Variants in STON1 observed in about 807,000 individuals in gnomAD.
STON1 encodes the protein stonin-1.
Under a neutral mutation model 60.9 loss-of-function variants are expected in STON1, and 79 were observed. The observed-to-expected ratio is 1.30, with a 90% CI of 1.08 to 1.56. The LOEUF (loss-of-function observed/expected upper bound fraction) is 1.56. STON1 is among the 40% of genes most tolerant of loss of function. STON1 has a pLI of 0.00. For synonymous variants in STON1, 363 were observed against 306.9 expected (o/e 1.18, Z -1.91); for missense variants, 1,166 against 858.9 (o/e 1.36, Z -4.47).
chr2:48,581,940 G>T lies in STON1; in HGVS notation c.1307G>T (p.Ser436Ile). The change falls in exon 2 of 4, where the codon AGT (serine) becomes ATT (isoleucine). Residue 436 changes from serine (S) to isoleucine (I), a missense_variant. Transcript: ENST00000404752. ...KVTKEGKFVE[S>I]AVITQIYCLC... is the part of the protein sequence containing the mutation. The stretch of plus-strand genomic sequence containing the variant: ...ACAAAAGAAGGAAAATTTGTTGAAA[G>T]TGCTGTGATAACTCAAATTTATTGC... 1 of 1,614,186 alleles carries T rather than the reference G, an allele frequency of 6.2e-7. No homozygotes were observed. Among genetic ancestry groups the T allele is most frequent in the Non-Finnish European group, 8.5e-7 (1 of 1,180,038 alleles).
At chr2:48,543,742 G>C (rs188487724) in intron 1 of STON1, among the ~76,000 whole-genome samples, 241 of 152,102 alleles carry the variant, frequency 1.6e-3, no homozygotes, top group African/African-American at 5.6e-3. Flanking sequence ...ATGTTGACCA[G>C]GCTGGTTTTG....
At chr2:48,591,574 G>C in intron 2 of STON1, 79 bp from the exon 3 acceptor site, 1 of 1,547,636 alleles carries the variant, frequency 6.5e-7, no homozygotes, top group Non-Finnish European at 8.8e-7. Flanking sequence ...TAAGGAGAGA[G>C]ATGAGTGCCT....
At position 48,546,048 on chromosome 2, in the gene STON1, C is replaced by A. The variant is rs550988059; in HGVS notation, c.-48+15832C>A. On this transcript the variant is annotated intron_variant, in intron 1 of 3. Transcript: ENST00000404752. ...TACTTAAAAAATAAATGTGTAGGGG[C>A]AGAGTTGTCAGGTTTCAACCCTCAT... 4.5e-4 allele frequency among the ~76,000 whole-genome samples: 69 copies of A among 152,252 alleles called. 1 individual carries two copies. In the South Asian group the frequency reaches 0.013, roughly 28 times the overall value.
At chr2:48,561,328 G>A (rs1672600428) in intron 1 of STON1, among the ~76,000 whole-genome samples, 1 of 152,146 alleles carries the variant, frequency 6.6e-6, no homozygotes, top group Non-Finnish European at 1.5e-5. Flanking sequence ...ATCCCATCAA[G>A]GCTTTACAAA....
Position 48,581,396 on chromosome 2 carries a change from G to C in STON1, c.763G>C (p.Ala255Pro). ...LRSLSMHCLC[A>P]EENASSFVPH... ...AAGTTTGTCTATGCACTGTCTATGTGCTGAAGAAAATGCCTCTTCCTTTGT... is the reference window on the plus strand; with the variant it reads ...AAGTTTGTCTATGCACTGTCTATGTCCTGAAGAAAATGCCTCTTCCTTTGT... The change falls in exon 2 of 4, where the codon GCT (alanine) becomes CCT (proline). Residue 255 changes from alanine to proline, a missense_variant. Coordinates refer to ENST00000404752, the MANE Select transcript of STON1 (RefSeq NM_006873.4). The C allele has an allele frequency of 1.2e-6, 2 of 1,608,026 alleles. No individual in the cohort carries two copies. The highest frequency in any genetic ancestry group is 1.1e-5 in the South Asian group (1 of 89,926).
intron 2 of STON1, 65 bp downstream of exon 2, chr2:48,582,628 T>A: frequency 1.3e-6 from 2 of 1,546,876 alleles, no homozygotes; most frequent in Non-Finnish European, 1.7e-6. Context: ...ACCTTCCTCC[T>A]TGGGTTGAAA....
chr2:48,553,742 C>T, intron 1 of STON1, among the ~76,000 whole-genome samples: 1 of 152,146 alleles, frequency 6.6e-6, no homozygotes, highest in East Asian at 1.9e-4. Context: ...CCTGCCTCGG[C>T]CTTCCAAAGT....
At chr2:48,558,376 C>CA (rs1672470450) in intron 1 of STON1, among the ~76,000 whole-genome samples, 1 of 152,200 alleles carries the variant, frequency 6.6e-6, no homozygotes, top group Non-Finnish European at 1.5e-5. Flanking sequence ...TTCAGCAGTA[C>CA]TTGCCTGTGT....
intron 1 of STON1, among the ~76,000 whole-genome samples, chr2:48,577,560 G>A (rs1454120465): frequency 6.7e-6 from 1 of 149,866 alleles, no homozygotes; most frequent in African/African-American, 2.5e-5. Flanking sequence ...CAGCCTGAGC[G>A]ACAGAGCGAG....
intron 1 of STON1, among the ~76,000 whole-genome samples, chr2:48,541,723 A>C (rs11301587): frequency 7.4e-6 from 1 of 135,914 alleles, no homozygotes; most frequent in South Asian, 2.4e-4. Context: ...AAAAAAAAAA[A>C]CCACACAAAA....
intron 1 of STON1, among the ~76,000 whole-genome samples, chr2:48,572,896 C>T (rs2103877386): frequency 6.6e-6 from 1 of 152,338 alleles, no homozygotes; most frequent in South Asian, 2.1e-4. Context: ...ACAGCAACTT[C>T]AGCCTAAGGG....
chr2:48,558,029 C>T (rs1374666130), intron 1 of STON1, among the ~76,000 whole-genome samples: 2 of 152,140 alleles, frequency 1.3e-5, no homozygotes, highest in Non-Finnish European at 1.5e-5. Flanking sequence ...TCGAGACCAG[C>T]ATGACCAATA....
intron 1 of STON1, among the ~76,000 whole-genome samples, chr2:48,564,220 A>G (rs1209121025): frequency 6.6e-6 from 1 of 152,174 alleles, no homozygotes; most frequent in African/African-American, 2.4e-5. Flanking sequence ...TACTATCACA[A>G]AATACCATAG....
intron 1 of STON1, among the ~76,000 whole-genome samples, chr2:48,578,679 C>G (rs1050056786): frequency 4.1e-5 from 6 of 146,654 alleles, no homozygotes; most frequent in African/African-American, 1.5e-4. Flanking sequence ...ACCTCCTCCT[C>G]TCAGGTTCAA....
chr2:48,550,259 A>T, intron 1 of STON1, among the ~76,000 whole-genome samples: 1 of 152,084 alleles, frequency 6.6e-6, no homozygotes, highest in Non-Finnish European at 1.5e-5. Flanking sequence ...GCACTTTGAG[A>T]GGCTGAGGGG....
At chr2:48,585,022 T>G (rs1367306830) in intron 2 of STON1, among the ~76,000 whole-genome samples, 4 of 152,130 alleles carry the variant, frequency 2.6e-5, no homozygotes. Context: ...CCTTCTTCAT[T>G]AATGCCAAAT....
chr2:48,583,668 T>G (rs1674030404), intron 2 of STON1, among the ~76,000 whole-genome samples: 2 of 151,688 alleles, frequency 1.3e-5, no homozygotes, highest in Non-Finnish European at 2.9e-5. Flanking sequence ...TCTCTGGAGT[T>G]AAATTGGAGG....
Position 48,597,590 on chromosome 2 carries a change from C to T in STON1, c.*2288C>T, listed in dbSNP as rs1435860585. The T allele has an allele frequency of 6.6e-6, 1 of 152,598 alleles. No individual in the cohort carries two copies. The highest frequency in any genetic ancestry group is 1.5e-5 in the Non-Finnish European group (1 of 68,042). The allele number at this position is 152,598 out of a possible 1,614,324, so 9.5% of individuals were successfully genotyped here. A position where few individuals can be genotyped will look rare whatever the true frequency, so the allele number is the denominator to read the frequency against. On this transcript the variant is annotated 3_prime_UTR_variant, in exon 4 of 4. Transcript: ENST00000404752. ...GGTTATTCACTCACAAGCCACCGGG[C>T]CTTCAGGACATCTCAAGATTCAGTC...
At chr2:48,570,037 T>G (rs958031538) in intron 1 of STON1, among the ~76,000 whole-genome samples, 20 of 152,222 alleles carry the variant, frequency 1.3e-4, no homozygotes, top group African/African-American at 4.6e-4. Flanking sequence ...TCCGTAATAC[T>G]CTTACAAGAA....
Sources: gnomAD v4.1 joint callset for allele counts (sites outside exome capture counted in the v4.1 genomes callset) on GRCh38, gnomAD v4.1.1 for gene constraint, MANE v1.5 for transcripts, NCBI Gene and HGNC (gene_info 2026-07-23, HGNC 2026-07-21) for gene names.